MAP2: variants seen among roughly 807,000 people sequenced by gnomAD.
The protein encoded by MAP2 is microtubule associated protein 2.
In MAP2, 14 loss-of-function variants were observed where a neutral mutation model predicts 137.6. The observed-to-expected ratio is 0.10, with a 90% confidence interval of 0.07 to 0.16. The LOEUF is 0.16. Among genes scored for constraint, MAP2 ranks in the 10% least tolerant of loss-of-function variants. The pLI, the probability that MAP2 is intolerant of heterozygous loss-of-function variation, is 1.00. For synonymous variants in MAP2, 786 were observed against 782.3 expected (o/e 1.00, Z -0.08); for missense variants, 2,088 against 2,191.5 (o/e 0.95, Z 0.94).
chr2:209,613,137 G>A (rs1218954608), intron 3 of MAP2, among the ~76,000 whole-genome samples: 1 of 152,156 alleles, frequency 6.6e-6, no homozygotes, highest in Non-Finnish European at 1.5e-5. Context: ...TAGACTTGCT[G>A]TGCATAGGGA....
intron 7 of MAP2, among the ~76,000 whole-genome samples, chr2:209,685,870 A>G (rs2153699062): frequency 6.6e-6 from 1 of 152,316 alleles, no homozygotes; most frequent in South Asian, 2.1e-4. Flanking sequence ...ACATCCAATG[A>G]GTATTGCCTT....
intron 7 of MAP2, among the ~76,000 whole-genome samples, chr2:209,690,069 C>T (rs1049433445): frequency 6.6e-6 from 1 of 151,988 alleles, no homozygotes; most frequent in Non-Finnish European, 1.5e-5. Context: ...TGAAGCAAGG[C>T]TTTTTTTATT....
rs1462989903 is a variant in MAP2, at chr2:209,733,769, T to G, written c.*3372T>G. The stretch of plus-strand genomic sequence containing the variant: ...TTTTGAGTTTTTTTACACCTAGGAT[T>G]TTTAGCTTGGGTGTGTAGGTGAAGG... On this transcript the variant is annotated 3_prime_UTR_variant, in exon 16 of 16. Transcript: ENST00000682079. The G allele has an allele frequency of 6.6e-6, 1 of 152,450 alleles. No homozygotes were observed. Among genetic ancestry groups the G allele is most frequent in the Non-Finnish European group, 1.5e-5 (1 of 68,038 alleles). 9.4% of individuals were successfully genotyped at this position (152,450 alleles called of 1,614,324 possible). A position where few individuals can be genotyped will look rare whatever the true frequency, so the allele number is the denominator to read the frequency against.
At chr2:209,701,658 C>T (rs894881264) in intron 11 of MAP2, among the ~76,000 whole-genome samples, 1 of 151,856 alleles carries the variant, frequency 6.6e-6, no homozygotes, top group Non-Finnish European at 1.5e-5. Context: ...TGATCTTGAA[C>T]CTGAGGGGTT....
intron 12 of MAP2, 58 bp downstream of exon 12, chr2:209,705,785 A>C (rs2063216693): frequency 7.7e-7 from 1 of 1,305,320 alleles, no homozygotes; most frequent in Non-Finnish European, 1.1e-6. Context: ...TTTAAGTGGA[A>C]TAGCACTTAT....
chr2:209,521,412 C>T (rs553769135), intron 2 of MAP2, among the ~76,000 whole-genome samples: 5 of 151,784 alleles, frequency 3.3e-5, no homozygotes, highest in Non-Finnish European at 7.4e-5. Flanking sequence ...ATCCTTCCTC[C>T]CCCACCCCCT....
intron 5 of MAP2, among the ~76,000 whole-genome samples, chr2:209,670,047 G>A (rs955603822): frequency 5.3e-5 from 8 of 151,934 alleles, no homozygotes; most frequent in East Asian, 3.9e-4. Flanking sequence ...CAGTTTTGAC[G>A]AGATGCAAAA....
At chr2:209,725,877 T>G in intron 14 of MAP2, 87 bp downstream of exon 14, 2 of 709,452 alleles carry the variant, frequency 2.8e-6, no homozygotes, top group South Asian at 4.7e-5. Context: ...GCAAAATACC[T>G]AATTGGAAGG....
At chr2:209,610,004 A>G (rs776940098) in intron 3 of MAP2, among the ~76,000 whole-genome samples, 1 of 152,178 alleles carries the variant, frequency 6.6e-6, no homozygotes, top group Non-Finnish European at 1.5e-5. Flanking sequence ...TCATGTCCTC[A>G]TGAGGTTCAC....
intron 10 of MAP2, among the ~76,000 whole-genome samples, chr2:209,698,987 A>T (rs1273298367): frequency 6.6e-6 from 1 of 152,210 alleles, no homozygotes; most frequent in Admixed American, 6.5e-5. Context: ...CATTTAAAGT[A>T]AATTGTGTTT....
At chr2:209,630,179 T>C (rs1251017531) in intron 4 of MAP2, among the ~76,000 whole-genome samples, 1 of 151,948 alleles carries the variant, frequency 6.6e-6, no homozygotes, top group Non-Finnish European at 1.5e-5. Flanking sequence ...ATTTTATGGT[T>C]GCTGAGGGAC....
chr2:209,567,727 A>G (rs948586611), intron 2 of MAP2, among the ~76,000 whole-genome samples: 1 of 152,104 alleles, frequency 6.6e-6, no homozygotes, highest in Non-Finnish European at 1.5e-5. Flanking sequence ...TAAATATAAC[A>G]TAACATGAAC....
At chr2:209,576,745 C>G (rs1277784388) in intron 2 of MAP2, among the ~76,000 whole-genome samples, 1 of 152,102 alleles carries the variant, frequency 6.6e-6, no homozygotes, top group Non-Finnish European at 1.5e-5. Context: ...TCAGTTTAGG[C>G]TTTTGGGCAT....
rs2076128342 is a variant in MAP2 at position 209,734,023 on chromosome 2, G to T, written c.*3626G>T. The stretch of plus-strand genomic sequence containing the variant: ...AAAGGCATTTCTTCAATGGCTGGTT[G>T]TAGTTAGTTCATGTTTTTCAATCAA... On this transcript the variant is annotated 3_prime_UTR_variant, in exon 16 of 16. Coordinates refer to ENST00000682079, the MANE Select transcript of MAP2 (RefSeq NM_001375505.1). The T allele has an allele frequency of 6.6e-6, 1 of 152,552 alleles. No individual in the cohort carries two copies. Among genetic ancestry groups the T allele is most frequent in the Admixed American group, 6.6e-5 (1 of 15,258 alleles). 9.4% of individuals were successfully genotyped at this position (152,552 alleles called of 1,614,324 possible).
chr2:209,507,211 C>T (rs565703193), intron 1 of MAP2, among the ~76,000 whole-genome samples: 1 of 151,948 alleles, frequency 6.6e-6, no homozygotes, highest in Non-Finnish European at 1.5e-5. Context: ...GATCAAAATG[C>T]CTGAGTTTTA....
At chr2:209,682,095 T>G (rs2153691374) in intron 7 of MAP2, among the ~76,000 whole-genome samples, 1 of 152,302 alleles carries the variant, frequency 6.6e-6, no homozygotes, top group South Asian at 2.1e-4. Flanking sequence ...GAAAAGTTCC[T>G]TTTGACCTTA....
At chr2:209,708,974 C>A (rs1273434366) in intron 12 of MAP2, among the ~76,000 whole-genome samples, 1 of 152,072 alleles carries the variant, frequency 6.6e-6, no homozygotes, top group Admixed American at 6.6e-5. Context: ...TAAGGTGTTG[C>A]ATTCTTATTT....
intron 1 of MAP2, among the ~76,000 whole-genome samples, chr2:209,498,819 A>G (rs2060052113): frequency 6.6e-6 from 1 of 152,132 alleles, no homozygotes; most frequent in Admixed American, 6.5e-5. Flanking sequence ...GGGGCCCTGG[A>G]CCTGGCCCAC....
At chr2:209,477,775 T>G (rs1258530827) in intron 1 of MAP2, among the ~76,000 whole-genome samples, 2 of 150,824 alleles carry the variant, frequency 1.3e-5, no homozygotes, top group Non-Finnish European at 2.9e-5. Context: ...AATGGGAGGA[T>G]CACTTGAGCC....
Sources: gnomAD v4.1 joint callset for allele counts (sites outside exome capture counted in the v4.1 genomes callset) on GRCh38, gnomAD v4.1.1 for gene constraint, MANE v1.5 for transcripts, NCBI Gene and HGNC (gene_info 2026-07-23, HGNC 2026-07-21) for gene names.